Variants in SLC35D1 observed in about 807,000 individuals in gnomAD.
The protein encoded by SLC35D1 is solute carrier family 35 member D1, also known as nucleotide sugar transporter SLC35D1.
Under a neutral mutation model 46.7 loss-of-function variants are expected in SLC35D1, and 31 were observed. That is an observed-to-expected ratio of 0.66 (90% CI 0.50 to 0.90). SLC35D1 has a LOEUF of 0.90. SLC35D1 is among the 40% of genes least tolerant of loss of function. The probability of loss-of-function intolerance (pLI) is 0.00; values close to 1 mark genes in which losing one functional copy is unlikely to be tolerated. For synonymous variants in SLC35D1, 195 were observed against 164.6 expected (o/e 1.18, Z -1.41); for missense variants, 397 against 426.2 (o/e 0.93, Z 0.60).
chr1:66,980,967 C>CA, the SLC35D1 span, among the ~76,000 whole-genome samples: 1 of 152,022 alleles, frequency 6.6e-6, no homozygotes, highest in South Asian at 2.1e-4. Context: ...ACTTTATTTA[C>CA]AAAAAACAGA....
chr1:67,021,712 G>GACACACACACACACACACACACACACAC (rs1238454225), intron 8 of SLC35D1, 110 bp from the exon 9 acceptor site: 1 of 308,280 alleles, frequency 3.2e-6, no homozygotes, highest in African/African-American at 2.8e-5. Context: ...CACAGACACA[G>GACACACACACACACACACACACACACAC]ACACAGACAC....
intron 7 of SLC35D1, among the ~76,000 whole-genome samples, chr1:67,046,121 C>T (rs535725168): frequency 2.3e-4 from 35 of 152,210 alleles, no homozygotes; most frequent in South Asian, 1.5e-3. Context: ...CAAATCAACA[C>T]CGTCCTTGGT....
At position 67,052,017 on chromosome 1, in the gene SLC35D1, T is replaced by C. The variant is rs747604594; in HGVS notation, c.387A>G (p.Lys129=). ...TAAAATAAAGTTATCCATACTTCAG[T>C]TTCTTTGTGCTGAACAGTCCCGTGA... is the stretch of plus-strand genomic sequence containing the variant. ...NQITGLFSTK[K]LNLPMFTVLR... is the part of the protein sequence containing the mutation. Residue 129 remains lysine (K), a synonymous_variant, in exon 4 of 12, where the codon AAA becomes AAG. Coordinates refer to ENST00000235345, the MANE Select transcript of SLC35D1 (RefSeq NM_015139.3). The C allele has an allele frequency of 1.9e-6, 3 of 1,602,070 alleles. No homozygotes were observed. Among genetic ancestry groups the C allele is most frequent in the African/African-American group, 1.3e-5 (1 of 74,666 alleles).
At chr1:67,035,211 T>C (rs2815369) in intron 8 of SLC35D1, among the ~76,000 whole-genome samples, 127,110 of 152,124 alleles carry the variant, frequency 0.84, 53,506 homozygotes, top group African/African-American at 0.91. Flanking sequence ...ACTGGCCTTG[T>C]AGAATGAATT....
chr1:67,034,829 T>C (rs1043082611), intron 8 of SLC35D1, among the ~76,000 whole-genome samples: 3 of 151,922 alleles, frequency 2.0e-5, no homozygotes, highest in Non-Finnish European at 4.4e-5. Context: ...TCATATATTG[T>C]TTTTCCTTCT....
rs1667324413 is a variant in SLC35D1, at chr1:67,000,833, C to T, written c.*3507G>A. ...CAAGCTACTTACAGAATTCTAAGAG[C>T]TGTGTTGCTATCTCAGAGCTAGAAG... On this transcript the variant is annotated 3_prime_UTR_variant, in exon 12 of 12. Coordinates refer to ENST00000235345, the MANE Select transcript of SLC35D1 (RefSeq NM_015139.3). The T allele has an allele frequency of 6.6e-6, 1 of 152,276 alleles. No homozygotes were observed. The highest frequency in any genetic ancestry group is 6.5e-5 in the Admixed American group (1 of 15,274). The allele number at this position is 152,276 out of a possible 1,614,324, so 9.4% of individuals were successfully genotyped here.
chr1:67,007,253 A>ACT (rs1667471179), intron 11 of SLC35D1, among the ~76,000 whole-genome samples: 1 of 152,174 alleles, frequency 6.6e-6, no homozygotes, highest in East Asian at 1.9e-4. Context: ...GAGGCTGGGG[A>ACT]GTCTAAGATC....
intron 8 of SLC35D1, among the ~76,000 whole-genome samples, chr1:67,031,256 C>T (rs1046811030): frequency 1.1e-4 from 17 of 151,996 alleles, no homozygotes; most frequent in Non-Finnish European, 1.6e-4. Context: ...GGCACAAGCA[C>T]GCTGTTGCAT....
intron 4 of SLC35D1, 96 bp from the exon 5 acceptor site, chr1:67,050,600 C>T: frequency 2.1e-6 from 2 of 963,038 alleles, no homozygotes; most frequent in Non-Finnish European, 3.2e-6. Context: ...GCTATTCTTC[C>T]ATTATGGAAA....
At chr1:66,988,877 GTTC>G in the SLC35D1 span, among the ~76,000 whole-genome samples, 1 of 152,202 alleles carries the variant, frequency 6.6e-6, no homozygotes, top group Non-Finnish European at 1.5e-5. Context: ...GGCATGCCCT[GTTC>G]TTCAAGAAGG....
the SLC35D1 span, among the ~76,000 whole-genome samples, chr1:66,988,911 AAAAGT>A: frequency 6.6e-6 from 1 of 152,250 alleles, no homozygotes; most frequent in Non-Finnish European, 1.5e-5. Context: ...TTAATGGTAG[AAAAGT>A]AAAGTGTATT....
chr1:67,049,866 T>A lies in SLC35D1; in HGVS notation c.465-16A>T, dbSNP rs550270864. 2 of 1,586,664 alleles carry A rather than the reference T, an allele frequency of 1.3e-6. No individual in the cohort carries two copies. The highest frequency in any genetic ancestry group is 2.3e-5 in the East Asian group (1 of 44,356). ...AAAAGTCTTCCTACAAAACAAAAAA[T>A]TTTAAAATACACACATGACTTTATT... On this transcript the variant is annotated splice_polypyrimidine_tract_variant and intron_variant, in intron 5 of 11. Transcript: ENST00000235345.
chr1:67,042,560 C>T (rs1645202188), intron 7 of SLC35D1, among the ~76,000 whole-genome samples: 2 of 152,136 alleles, frequency 1.3e-5, no homozygotes, highest in Admixed American at 1.3e-4. Context: ...AAATAAATTC[C>T]TCAAGTGCTT....
intron 10 of SLC35D1, among the ~76,000 whole-genome samples, chr1:67,012,325 C>A (rs1430477596): frequency 6.6e-6 from 1 of 152,118 alleles, no homozygotes; most frequent in African/African-American, 2.4e-5. Context: ...TAGAATCTTT[C>A]ACTATCTGAG....
At chr1:67,023,166 T>C (rs1667846521) in intron 8 of SLC35D1, among the ~76,000 whole-genome samples, 1 of 152,242 alleles carries the variant, frequency 6.6e-6, no homozygotes, top group Non-Finnish European at 1.5e-5. Flanking sequence ...TGACATGTTT[T>C]TATTTATCTT....
intron 11 of SLC35D1, among the ~76,000 whole-genome samples, chr1:67,006,530 G>A (rs1254823810): frequency 6.6e-6 from 1 of 152,078 alleles, no homozygotes; most frequent in Non-Finnish European, 1.5e-5. Context: ...TATTTTTCCT[G>A]TTAAGATGAT....
chr1:66,984,644 G>A, the SLC35D1 span: 76 of 1,613,740 alleles, frequency 4.7e-5, no homozygotes, highest in Non-Finnish European at 6.4e-5. Context: ...CACATTAATG[G>A]ACCAACAGGT....
downstream of SLC35D1, among the ~76,000 whole-genome samples, chr1:66,998,539 C>T (rs1266338261): frequency 1.3e-5 from 2 of 152,108 alleles, no homozygotes; most frequent in African/African-American, 2.4e-5. Flanking sequence ...TATTTGTACA[C>T]CCATGTTCAT....
chr1:67,032,699 C>A (rs1008263665), intron 8 of SLC35D1, among the ~76,000 whole-genome samples: 6 of 152,030 alleles, frequency 3.9e-5, no homozygotes, highest in African/African-American at 9.7e-5. Flanking sequence ...TAACAATAAT[C>A]ACCATCATCA....
Sources: gnomAD v4.1 joint callset for allele counts (sites outside exome capture counted in the v4.1 genomes callset) on GRCh38, gnomAD v4.1.1 for gene constraint, MANE v1.5 for transcripts, NCBI Gene and HGNC (gene_info 2026-07-23, HGNC 2026-07-21) for gene names.